UQCRB: variants seen among roughly 807,000 people sequenced by gnomAD.
UQCRB encodes the protein ubiquinol-cytochrome c reductase binding protein.
A neutral mutation model predicts 19.8 loss-of-function variants in UQCRB; 12 were observed. That is an observed-to-expected ratio of 0.61 (90% CI 0.39 to 0.98). The LOEUF is 0.98. UQCRB is among the 50% of genes least tolerant of loss of function. The pLI is 0.00. For missense variants in UQCRB, 142 were observed against 131.8 expected (o/e 1.08, Z -0.38); for synonymous variants, 39 against 42.9 (o/e 0.91, Z 0.35).
Position 96,223,541 on chromosome 8 carries a change from C to T in UQCRB, c.*7514G>A, listed in dbSNP as rs999046686. 1.3e-5 allele frequency among the ~76,000 whole-genome samples: 2 copies of T among 152,164 alleles called. No homozygotes were observed. The highest frequency in any genetic ancestry group is 1.5e-5 in the Non-Finnish European group (1 of 68,024). On this transcript the variant is annotated 3_prime_UTR_variant, in exon 4 of 4. Transcript: ENST00000287022. Reference sequence around the variant, plus strand: ...AAATGATTGGTTGAAGTAGTAAGTGCTTTACAAAGTCAAAGAAAATAGAAA... The same window carrying T: ...AAATGATTGGTTGAAGTAGTAAGTGTTTTACAAAGTCAAAGAAAATAGAAA...
chr8:96,224,204 C>T lies in UQCRB; in HGVS notation c.*6851G>A, dbSNP rs1024910196. Among the ~76,000 whole-genome samples, 12 of 152,140 alleles carry T rather than the reference C, an allele frequency of 7.9e-5. No homozygotes were observed. Among genetic ancestry groups the T allele is most frequent in the African/African-American group, 1.9e-4 (8 of 41,420 alleles). ...GTCCAATGAAGGGACAATTAACAAA[C>T]GGCAGGCAAGGTCAAGGAGAACCAA... On this transcript the variant is annotated 3_prime_UTR_variant, in exon 4 of 4. Coordinates refer to ENST00000287022, the MANE Select transcript of UQCRB (RefSeq NM_006294.5).
chr8:96,231,888 T>C lies in UQCRB; in HGVS notation c.144A>G (p.Ile48Met), dbSNP rs1809685370. ...TATAAAGGTTCTCAGGAAGTCTTCT[T>C]ATGGCTTCTTTTACATCTTCATCCT... Reference protein sequence around the residue: ...IYEDEDVKEAIRRLPENLYND... With the variant: ...IYEDEDVKEAMRRLPENLYND... The change falls in exon 3 of 4, where the codon ATA (isoleucine) becomes ATG (methionine). Residue 48 changes from isoleucine to methionine, a missense_variant. Coordinates refer to ENST00000287022, the MANE Select transcript of UQCRB (RefSeq NM_006294.5). 6.2e-7 allele frequency: 1 copy of C among 1,614,038 alleles called. No individual in the cohort carries two copies. Among genetic ancestry groups the C allele is most frequent in the Non-Finnish European group, 8.5e-7 (1 of 1,180,018 alleles).
chr8:96,225,353 C>T lies in UQCRB; in HGVS notation c.*5702G>A, dbSNP rs1324703857. Among the ~76,000 whole-genome samples, 1 of 152,166 alleles carries T rather than the reference C, an allele frequency of 6.6e-6. No homozygotes were observed. The highest frequency in any genetic ancestry group is 1.5e-5 in the Non-Finnish European group (1 of 68,034). ...TGCAATAAAGGGACCCTCGTGATTG[C>T]TTAGATGAATATAAATTATTATAAA... is the stretch of plus-strand genomic sequence containing the variant. On this transcript the variant is annotated 3_prime_UTR_variant, in exon 4 of 4. Coordinates refer to ENST00000287022, the MANE Select transcript of UQCRB (RefSeq NM_006294.5).
In UQCRB at chr8:96,230,556, T is replaced by C. The variant is rs1809642145; in HGVS notation, c.*499A>G. Reference sequence around the variant, plus strand: ...TCTAACATCTTTTTGTTTTCTAGTATACATGTTAGCACAGGAGTATGTATA... The same window carrying C: ...TCTAACATCTTTTTGTTTTCTAGTACACATGTTAGCACAGGAGTATGTATA... On this transcript the variant is annotated 3_prime_UTR_variant, in exon 4 of 4. Coordinates refer to ENST00000287022, the MANE Select transcript of UQCRB (RefSeq NM_006294.5). The C allele has an allele frequency of 8.8e-6, 4 of 454,076 alleles. No homozygotes were observed. Among genetic ancestry groups the C allele is most frequent in the South Asian group, 4.7e-5 (3 of 64,442 alleles). The allele number at this position is 454,076 out of a possible 1,614,324, so 28.1% of individuals were successfully genotyped here. A position where few individuals can be genotyped will look rare whatever the true frequency, so the allele number is the denominator to read the frequency against.
In UQCRB at chr8:96,231,528, A is replaced by G. The variant is rs774363970; in HGVS notation, c.258+246T>C. Reference sequence around the variant, plus strand: ...GAACAGCAAAGACCTGGGAGGCAACAGACCTGGATTTTAGTCCTGGCTCTC... The same window carrying G: ...GAACAGCAAAGACCTGGGAGGCAACGGACCTGGATTTTAGTCCTGGCTCTC... On this transcript the variant is annotated intron_variant, in intron 3 of 3. Coordinates refer to ENST00000287022, the MANE Select transcript of UQCRB (RefSeq NM_006294.5). 7 of 1,513,224 alleles carry G rather than the reference A, an allele frequency of 4.6e-6. No homozygotes were observed. In the South Asian group the frequency reaches 8.4e-5, roughly 18 times the overall value. The allele number at this position is 1,513,224 out of a possible 1,614,324, so 93.7% of individuals were successfully genotyped here.
rs562986032 is a variant in UQCRB, at chr8:96,223,500, A to T, written c.*7555T>A. ...AGTGAACACTAGGTAAATAGTATTT[A>T]TTATTGTTAAATAGTAAATGATTGG... On this transcript the variant is annotated 3_prime_UTR_variant, in exon 4 of 4. Coordinates refer to ENST00000287022, the MANE Select transcript of UQCRB (RefSeq NM_006294.5). Among the ~76,000 whole-genome samples, 1 of 152,324 alleles carries T rather than the reference A, an allele frequency of 6.6e-6. No homozygotes were observed. Among genetic ancestry groups the T allele is most frequent in the African/African-American group, 2.4e-5 (1 of 41,578 alleles).
In UQCRB at chr8:96,229,418, C is replaced by A. The variant is rs1318973148; in HGVS notation, c.*1637G>T. Reference sequence around the variant, plus strand: ...TCCACCCACCCGGCTCCCTACACACCTTGACAGTGCTCTTTGAGATGCCTC... The same window carrying A: ...TCCACCCACCCGGCTCCCTACACACATTGACAGTGCTCTTTGAGATGCCTC... On this transcript the variant is annotated 3_prime_UTR_variant, in exon 4 of 4. Coordinates refer to ENST00000287022, the MANE Select transcript of UQCRB (RefSeq NM_006294.5). 1 of 454,118 alleles carries A rather than the reference C, an allele frequency of 2.2e-6. No individual in the cohort carries two copies. The highest frequency in any genetic ancestry group is 4.4e-6 in the Non-Finnish European group (1 of 226,790). 28.1% of individuals were successfully genotyped at this position (454,118 alleles called of 1,614,324 possible).
At position 96,227,450 on chromosome 8, in the gene UQCRB, G is replaced by C; in HGVS notation, c.*3605C>G. On this transcript the variant is annotated 3_prime_UTR_variant, in exon 4 of 4. Coordinates refer to ENST00000287022, the MANE Select transcript of UQCRB (RefSeq NM_006294.5). The stretch of plus-strand genomic sequence containing the variant: ...GAATTTCATGCCTTGTTCTAATAAA[G>C]GGATTTTCCTTGTTTTCCAAAGAGC... 1 of 454,046 alleles carries C rather than the reference G, an allele frequency of 2.2e-6. No individual in the cohort carries two copies. The highest frequency in any genetic ancestry group is 4.4e-6 in the Non-Finnish European group (1 of 226,786). The allele number at this position is 454,046 out of a possible 1,614,324, so 28.1% of individuals were successfully genotyped here.
At chr8:96,232,959 T>C in intron 2 of UQCRB, 197 bp downstream of exon 2, 1 of 582,366 alleles carries the variant, frequency 1.7e-6, no homozygotes, top group South Asian at 2.2e-5. Flanking sequence ...TCATCCCTCT[T>C]CTCTCAAAAA....
rs550599658 is a variant in UQCRB at position 96,227,393 on chromosome 8, G to A, written c.*3662C>T. 1.3e-3 allele frequency: 598 copies of A among 454,100 alleles called. 12 individuals carry two copies. Among genetic ancestry groups the A allele is most frequent in the South Asian group, 9.1e-3 (586 of 64,480 alleles). 28.1% of individuals were successfully genotyped at this position (454,100 alleles called of 1,614,324 possible). On this transcript the variant is annotated 3_prime_UTR_variant, in exon 4 of 4. Transcript: ENST00000287022. ...GTGCTCGTGTGATGTACACTAAGTTGTAAAGTTATAGGGCATCGCCACCTA... is the reference window on the plus strand; with the variant it reads ...GTGCTCGTGTGATGTACACTAAGTTATAAAGTTATAGGGCATCGCCACCTA...
intron 1 of UQCRB, 191 bp from the exon 2 acceptor site, chr8:96,233,418 C>G (rs1809723325): frequency 1.7e-6 from 1 of 582,800 alleles, no homozygotes; most frequent in African/African-American, 1.9e-5. Flanking sequence ...AAAGTTTATA[C>G]TCTATAAAAT....
At position 96,231,942 on chromosome 8, in the gene UQCRB, T is replaced by C. The variant is rs111646807; in HGVS notation, c.92-2A>G. 6.2e-7 allele frequency: 1 copy of C among 1,612,214 alleles called. No individual in the cohort carries two copies. The highest frequency in any genetic ancestry group is 8.5e-7 in the Non-Finnish European group (1 of 1,179,636). On this transcript the variant is annotated splice_acceptor_variant, in intron 2 of 3. Transcript: ENST00000287022. LOFTEE classifies it high-confidence loss of function. ...ATATTGTATCATCTCGCATTAACCC[T>C]ATGATAGATGACAAAGTTAGATTGC...
Position 96,228,108 on chromosome 8 carries a change from T to C in UQCRB, c.*2947A>G, listed in dbSNP as rs530957628. On this transcript the variant is annotated 3_prime_UTR_variant, in exon 4 of 4. Coordinates refer to ENST00000287022, the MANE Select transcript of UQCRB (RefSeq NM_006294.5). ...GGCCAAGTGATACTAGGTAGTGCAC[T>C]ACAACAGTGAACATAAGCCAGCCAT... The C allele has an allele frequency of 6.3e-4, 286 of 454,116 alleles. 1 individual carries two copies. The highest frequency in any genetic ancestry group is 5.3e-3 in the African/African-American group (265 of 50,128). The allele number at this position is 454,116 out of a possible 1,614,324, so 28.1% of individuals were successfully genotyped here. A position where few individuals can be genotyped will look rare whatever the true frequency, so the allele number is the denominator to read the frequency against.
rs1472125661 is a variant in UQCRB, at chr8:96,229,563, T to C, written c.*1492A>G. ...TTTGCAGAGATCTACTCAGGAAAAT[T>C]TTCTGAATAGACAAATGCTTTTAAA... On this transcript the variant is annotated 3_prime_UTR_variant, in exon 4 of 4. Transcript: ENST00000287022. 4.4e-6 allele frequency: 2 copies of C among 454,080 alleles called. No individual in the cohort carries two copies. The highest frequency in any genetic ancestry group is 3.1e-5 in the South Asian group (2 of 64,472). 28.1% of individuals were successfully genotyped at this position (454,080 alleles called of 1,614,324 possible). A position where few individuals can be genotyped will look rare whatever the true frequency, so the allele number is the denominator to read the frequency against.
rs774810260 is a variant in UQCRB, at chr8:96,233,252, G to A, written c.20-25C>T. 2.8e-5 allele frequency: 45 copies of A among 1,610,140 alleles called. No homozygotes were observed. The Admixed American group carries it at 5.5e-4, about 20-fold the overall frequency. Reference sequence around the variant, plus strand: ...ACTGATAATTGTCACACTGTTAATTGCTACAATTTAATTATACTATATGAA... The same window carrying A: ...ACTGATAATTGTCACACTGTTAATTACTACAATTTAATTATACTATATGAA... On this transcript the variant is annotated intron_variant, in intron 1 of 3. Transcript: ENST00000287022.
Position 96,226,892 on chromosome 8 carries a change from G to A in UQCRB, c.*4163C>T, listed in dbSNP as rs761801179. 23 of 453,658 alleles carry A rather than the reference G, an allele frequency of 5.1e-5. No individual in the cohort carries two copies. Among genetic ancestry groups the A allele is most frequent in the South Asian group, 9.3e-5 (6 of 64,368 alleles). 28.1% of individuals were successfully genotyped at this position (453,658 alleles called of 1,614,324 possible). A position where few individuals can be genotyped will look rare whatever the true frequency, so the allele number is the denominator to read the frequency against. ...ACATCTATGCTAAAAATTAACCACC[G>A]TATAATGATTCAGTTCTTCTTTCTT... is the stretch of plus-strand genomic sequence containing the variant. On this transcript the variant is annotated 3_prime_UTR_variant, in exon 4 of 4. Transcript: ENST00000287022.
At position 96,228,572 on chromosome 8, in the gene UQCRB, T is replaced by C; in HGVS notation, c.*2483A>G. 1 of 454,146 alleles carries C rather than the reference T, an allele frequency of 2.2e-6. No individual in the cohort carries two copies. Among genetic ancestry groups the C allele is most frequent in the Non-Finnish European group, 4.4e-6 (1 of 226,796 alleles). The allele number at this position is 454,146 out of a possible 1,614,324, so 28.1% of individuals were successfully genotyped here. ...TGATGATATTCAGCGTTTTCCCAAGTTATTCTTTCTCGCTTCTCAGCACAT... is the reference window on the plus strand; with the variant it reads ...TGATGATATTCAGCGTTTTCCCAAGCTATTCTTTCTCGCTTCTCAGCACAT... On this transcript the variant is annotated 3_prime_UTR_variant, in exon 4 of 4. Coordinates refer to ENST00000287022, the MANE Select transcript of UQCRB (RefSeq NM_006294.5).
intron 1 of UQCRB, chr8:96,234,629 A>T: frequency 1.6e-6 from 1 of 627,088 alleles, no homozygotes; most frequent in Non-Finnish European, 2.6e-6. Flanking sequence ...TGGCAACCTG[A>T]TGTTTCCTAA....
chr8:96,231,258 C>A, intron 3 of UQCRB, 126 bp from the exon 4 acceptor site: 1 of 1,587,414 alleles, frequency 6.3e-7, no homozygotes, highest in South Asian at 1.1e-5. Context: ...AACATATTCT[C>A]AACCTAAGAA....
Sources: allele counts gnomAD v4.1 joint callset (sites outside exome capture counted in the v4.1 genomes callset), GRCh38; gene constraint gnomAD v4.1.1; transcripts MANE v1.5; gene names NCBI Gene and HGNC (gene_info 2026-07-23, HGNC 2026-07-21).